The following ZNF408 variants were observed in gnomAD, a reference collection of about 807,000 sequenced individuals.
The protein encoded by ZNF408 is PR domain zinc finger protein 17.
ZNF408 carries 24 observed loss-of-function variants against 27.6 expected under a neutral mutation model. The ratio of observed to expected loss-of-function variants is 0.87; its 90% confidence interval spans 0.63 to 1.22. ZNF408 has a LOEUF of 1.22. Among genes scored for constraint, ZNF408 ranks in the 50% most tolerant of loss-of-function variants. The pLI is 0.00. For synonymous variants in ZNF408, 410 were observed against 396.1 expected (o/e 1.04, Z -0.42); for missense variants, 897 against 949.0 (o/e 0.95, Z 0.72).
chr11:46,705,855 G>A lies in ZNF408; in HGVS notation c.2155G>A (p.Gly719Ser). The A allele has an allele frequency of 6.2e-7, 1 of 1,611,038 alleles. No individual in the cohort carries two copies. The highest frequency in any genetic ancestry group is 1.7e-4 in the Middle Eastern group (1 of 5,798). Residue 719 changes from glycine to serine, a missense_variant, in exon 5 of 5, where the codon GGC (glycine) becomes AGC (serine). Gly to Ser is a moderately conservative substitution (Grantham distance 56). Transcript: ENST00000311764. This position sits in a 1 kb window ranked among gnomAD's most constrained non-coding sequence, Gnocchi z 6.5. Reference protein sequence around the residue: ...AWAEVVEVEMGT With the variant: ...AWAEVVEVEMST ...GGCAGAGGTGGTGGAGGTGGAGATG[G>A]GCACCTGACAGCTTTGCCTTTTGCT...
Position 46,705,826 on chromosome 11 carries a change from C to T in ZNF408, c.2126C>T (p.Ala709Val), listed in dbSNP as rs770957732. Reference sequence around the variant, plus strand: ...ATCCATAAGGACATGGGCCTCGGCGCCTGGGCAGAGGTGGTGGAGGTGGAG... The same window carrying T: ...ATCCATAAGGACATGGGCCTCGGCGTCTGGGCAGAGGTGGTGGAGGTGGAG... Reference protein sequence around the residue: ...VLIHKDMGLGAWAEVVEVEMG... With the variant: ...VLIHKDMGLGVWAEVVEVEMG... Residue 709 changes from alanine (A) to valine (V), a missense_variant, in exon 5 of 5, where the codon GCC becomes GTC. Transcript: ENST00000311764. The surrounding 1 kb of genome is among the most constrained non-coding windows in gnomAD (Gnocchi z 6.5). 2 of 1,612,896 alleles carry T rather than the reference C, an allele frequency of 1.2e-6. No homozygotes were observed. Among genetic ancestry groups the T allele is most frequent in the South Asian group, 1.1e-5 (1 of 90,674 alleles).
In ZNF408 at chr11:46,703,246, A is replaced by C; in HGVS notation, c.652+3A>C. ...GGATGCAGCAGAACCTTGCATAGGT[A>C]TGTGTCAAATAAATGCTGGTTTCCC... is the stretch of plus-strand genomic sequence containing the variant. On this transcript the variant is annotated splice_donor_region_variant and intron_variant, in intron 4 of 4. Coordinates refer to ENST00000311764, the MANE Select transcript of ZNF408 (RefSeq NM_024741.3). The C allele has an allele frequency of 6.2e-7, 1 of 1,601,324 alleles. No individual in the cohort carries two copies.
Position 46,701,557 on chromosome 11 carries a change from C to A in ZNF408, c.211C>A (p.Gln71Lys), listed in dbSNP as rs545104572. 6.2e-7 allele frequency: 1 copy of A among 1,613,570 alleles called. No homozygotes were observed. Reference sequence around the variant, plus strand: ...CCTTGGCCCCTCACTCGCCAAGGAACAGCGCTTGGGGGTCTGGTGTGTCGG... The same window carrying A: ...CCTTGGCCCCTCACTCGCCAAGGAAAAGCGCTTGGGGGTCTGGTGTGTCGG... Reference protein sequence around the residue: ...LALGPSLAKEQRLGVWCVGDP... With the variant: ...LALGPSLAKEKRLGVWCVGDP... Residue 71 changes from glutamine (Q) to lysine (K), a missense_variant, in exon 2 of 5, where the codon CAG becomes AAG. Gln to Lys is a moderately conservative substitution (Grantham distance 53). Coordinates refer to ENST00000311764, the MANE Select transcript of ZNF408 (RefSeq NM_024741.3).
intron 1 of ZNF408, 24 bp downstream of exon 1, chr11:46,701,123 A>G (rs1273924123): frequency 6.2e-7 from 1 of 1,613,972 alleles, no homozygotes; most frequent in Non-Finnish European, 8.5e-7. Context: ...GATGTCCGCG[A>G]CCCTCAACCT....
At chr11:46,701,898 G>A (rs1592397861) in intron 2 of ZNF408, 3 of 482,854 alleles carry the variant, frequency 6.2e-6, no homozygotes, top group East Asian at 6.9e-5. Flanking sequence ...CAGTGAGTGA[G>A]GAAGGTCAAG....
Position 46,701,502 on chromosome 11 carries a change from C to T in ZNF408, c.156C>T (p.Leu52=). The part of the protein sequence containing the change: ...DVPPEPTRDI[L]ALKSLPRGLA... ...CACCCGAGCCGACCCGAGACATCCT[C>T]GCTTTAAAGAGCCTTCCCCGGGGCT... The change falls in exon 2 of 5, where the codon CTC becomes CTT. Residue 52 remains leucine, a synonymous_variant. Transcript: ENST00000311764. The T allele has an allele frequency of 3.7e-6, 6 of 1,614,088 alleles. No individual in the cohort carries two copies. The highest frequency in any genetic ancestry group is 5.1e-6 in the Non-Finnish European group (6 of 1,180,028).
rs1311690533 is a variant in ZNF408 at position 46,705,027 on chromosome 11, G to A, written c.1327G>A (p.Gly443Ser). Reference sequence around the variant, plus strand: ...CCGGCCCTTTGCTTGTGACCAGTGTGGCAAGGCCTTTGCCCGCCGGCCCTC... The same window carrying A: ...CCGGCCCTTTGCTTGTGACCAGTGTAGCAAGGCCTTTGCCCGCCGGCCCTC... ...GARPFACDQC[G>S]KAFARRPSLR... Residue 443 changes from glycine (G) to serine (S), a missense_variant, in exon 5 of 5, where the codon GGC (glycine) becomes AGC (serine). By Grantham distance (56) the Gly-to-Ser change is moderately conservative. Transcript: ENST00000311764. The surrounding 1 kb of genome is among the most constrained non-coding windows in gnomAD (Gnocchi z 6.5). The A allele has an allele frequency of 1.2e-6, 2 of 1,613,180 alleles. No homozygotes were observed. Among genetic ancestry groups the A allele is most frequent in the Admixed American group, 3.3e-5 (2 of 60,004 alleles).
rs762463127 is a variant in ZNF408 at position 46,705,758 on chromosome 11, T to TG, written c.2059dup (p.Val687GlyfsTer17). Reference sequence around the variant, plus strand: ...TTTCAGAAAGCCAGGAGAAGTGCTTTGTGGTGCCAGAGGAGCCAGATGCCG... The same window carrying TG: ...TTTCAGAAAGCCAGGAGAAGTGCTTTGGTGGTGCCAGAGGAGCCAGATGCCG... On this transcript the variant is annotated frameshift_variant, in exon 5 of 5. Transcript: ENST00000311764. LOFTEE classifies it low-confidence loss of function (END_TRUNC). This position sits in a 1 kb window ranked among gnomAD's most constrained non-coding sequence, Gnocchi z 6.5. The TG allele has an allele frequency of 1.2e-6, 2 of 1,611,500 alleles. No individual in the cohort carries two copies. Among genetic ancestry groups the TG allele is most frequent in the South Asian group, 2.2e-5 (2 of 90,522 alleles).
chr11:46,705,862 G>A lies in ZNF408; in HGVS notation c.2162G>A (p.Ter721=). Residue 721 remains the stop codon, a stop_retained_variant, in exon 5 of 5, where the codon TGA becomes TAA. Transcript: ENST00000311764. This position sits in a 1 kb window ranked among gnomAD's most constrained non-coding sequence, Gnocchi z 6.5. ...GTGGTGGAGGTGGAGATGGGCACCTGACAGCTTTGCCTTTTGCTGACACAG... is the reference window on the plus strand; with the variant it reads ...GTGGTGGAGGTGGAGATGGGCACCTAACAGCTTTGCCTTTTGCTGACACAG... The part of the protein sequence containing the change: ...AEVVEVEMGT[*] 6.2e-7 allele frequency: 1 copy of A among 1,609,656 alleles called. No individual in the cohort carries two copies. The highest frequency in any genetic ancestry group is 8.5e-7 in the Non-Finnish European group (1 of 1,178,042).
rs1448963392 is a variant in ZNF408, at chr11:46,703,280, C to T, written c.652+37C>T. On this transcript the variant is annotated intron_variant, in intron 4 of 4. Transcript: ENST00000311764. ...ATAAATGCTGGTTTCCCAGCAATTTCCCCACCAAAACAACCTGTTGATAAG... is the reference window on the plus strand; with the variant it reads ...ATAAATGCTGGTTTCCCAGCAATTTTCCCACCAAAACAACCTGTTGATAAG... The T allele has an allele frequency of 3.8e-6, 6 of 1,582,110 alleles. No homozygotes were observed. In the South Asian group the frequency reaches 6.9e-5, roughly 18 times the overall value.
intron 4 of ZNF408, among the ~76,000 whole-genome samples, chr11:46,703,761 G>GTTTTTTTTTT (rs1489418102): frequency 1.2e-5 from 1 of 80,176 alleles, no homozygotes; most frequent in African/African-American, 4.8e-5. Flanking sequence ...TGTTGTTGTT[G>GTTTTTTTTTT]TTGTTGTTGT....
Position 46,704,579 on chromosome 11 carries a change from A to G in ZNF408, c.879A>G (p.Ser293=), listed in dbSNP as rs781474507. ...CAGATGGCAGTGGAGCCAGTTTCTC[A>G]TCTTCTGCCAGGGGCACCCAGCCGC... ...QDPDGSGASF[S]SSARGTQPHG... Residue 293 remains serine, a synonymous_variant, in exon 5 of 5, where the codon TCA becomes TCG. Transcript: ENST00000311764. 86 of 1,613,598 alleles carry G rather than the reference A, an allele frequency of 5.3e-5. No homozygotes were observed. The highest frequency in any genetic ancestry group is 7.0e-5 in the Non-Finnish European group (83 of 1,179,916).
In ZNF408 at chr11:46,704,906, C is replaced by A; in HGVS notation, c.1206C>A (p.Gly402=). The change falls in exon 5 of 5, where the codon GGC becomes GGA. Residue 402 remains glycine, a synonymous_variant. Transcript: ENST00000311764. ...SEESFKAHML[G]HRGVRPFPCP... ...AGAGCTTCAAAGCCCATATGCTGGG[C>A]CACCGTGGGGTGCGGCCCTTCCCCT... 1 of 1,612,398 alleles carries A rather than the reference C, an allele frequency of 6.2e-7. No individual in the cohort carries two copies. The highest frequency in any genetic ancestry group is 1.1e-5 in the South Asian group (1 of 90,942).
Position 46,701,609 on chromosome 11 carries a change from G to C in ZNF408, c.263G>C (p.Trp88Ser). 1 of 1,609,382 alleles carries C rather than the reference G, an allele frequency of 6.2e-7. No individual in the cohort carries two copies. The highest frequency in any genetic ancestry group is 1.7e-4 in the Middle Eastern group (1 of 6,048). Residue 88 changes from tryptophan (W) to serine (S), a missense_variant, in exon 2 of 5, where the codon TGG (tryptophan) becomes TCG (serine). Coordinates refer to ENST00000311764, the MANE Select transcript of ZNF408 (RefSeq NM_024741.3). The part of the protein sequence containing the change: ...VGDPLQPGLL[W>S]GPLEEESASK... ...GACCCCCTGCAGCCCGGCCTGCTGT[G>C]GGGGCCGCTGGAAGAGGAGTCTGCC...
rs1022528700 is a variant in ZNF408 at position 46,701,083 on chromosome 11, G to C, written c.36G>C (p.Lys12Asn). ...EEAEELLLEG[K>N]KALQLAREPR... is the part of the protein sequence containing the mutation. ...CGGAGGAGCTGCTCTTGGAGGGGAA[G>C]AAGGCGCTGCAACTCGGTGAGTGAC... Residue 12 changes from lysine (K) to asparagine (N), a missense_variant, in exon 1 of 5, where the codon AAG (lysine) becomes AAC (asparagine). Coordinates refer to ENST00000311764, the MANE Select transcript of ZNF408 (RefSeq NM_024741.3). 2.5e-6 allele frequency: 4 copies of C among 1,614,186 alleles called. No individual in the cohort carries two copies. Among genetic ancestry groups the C allele is most frequent in the Middle Eastern group, 1.7e-4 (1 of 6,058 alleles).
intron 1 of ZNF408, 79 bp downstream of exon 1, chr11:46,701,178 T>G: frequency 6.2e-7 from 1 of 1,610,180 alleles, no homozygotes; most frequent in Non-Finnish European, 8.5e-7. Flanking sequence ...TTCTCCTCAG[T>G]CTTCTCTCCT....
intron 2 of ZNF408, 126 bp downstream of exon 2, chr11:46,701,802 C>T: frequency 8.3e-7 from 1 of 1,205,228 alleles, no homozygotes; most frequent in Non-Finnish European, 1.1e-6. Flanking sequence ...CTTGTCCCTT[C>T]TCTTCAGGAC....
At chr11:46,701,809 G>A in intron 2 of ZNF408, 133 bp downstream of exon 2, 15 of 1,175,320 alleles carry the variant, frequency 1.3e-5, no homozygotes, top group Non-Finnish European at 1.7e-5. Flanking sequence ...CTTCTCTTCA[G>A]GACTGTCTCC....
Position 46,704,728 on chromosome 11 carries a change from C to G in ZNF408, c.1028C>G (p.Ala343Gly). The G allele has an allele frequency of 1.2e-6, 2 of 1,600,628 alleles. No homozygotes were observed. The highest frequency in any genetic ancestry group is 2.2e-5 in the South Asian group (2 of 89,290). The change falls in exon 5 of 5, where the codon GCA (alanine) becomes GGA (glycine). Residue 343 changes from alanine (A) to glycine (G), a missense_variant. By Grantham distance (60) the Ala-to-Gly change is moderately conservative. Transcript: ENST00000311764. Reference sequence around the variant, plus strand: ...CTCTCGCGGAGCCCTCCTGGCCCAGCAGGAAGCTCCCCAAAGCAGGGGCGA... The same window carrying G: ...CTCTCGCGGAGCCCTCCTGGCCCAGGAGGAAGCTCCCCAAAGCAGGGGCGA... Reference protein sequence around the residue: ...PTLSRSPPGPAGSSPKQGRRY... With the variant: ...PTLSRSPPGPGGSSPKQGRRY...
Sources: gnomAD v4.1 joint callset for allele counts (sites outside exome capture counted in the v4.1 genomes callset) on GRCh38, gnomAD v4.1.1 for gene constraint, Gnocchi (gnomAD v3.1) non-coding constraint, MANE v1.5 for transcripts, NCBI Gene and HGNC (gene_info 2026-07-23, HGNC 2026-07-21) for gene names.